The following CEP63 variants were observed in gnomAD, a reference collection of about 807,000 sequenced individuals.
CEP63 encodes centrosomal protein 63, also known as centrosomal protein of 63 kDa.
CEP63 carries 84 observed loss-of-function variants against 89.1 expected under a neutral mutation model. The observed-to-expected ratio is 0.94, with a 90% CI of 0.79 to 1.13. CEP63 has a LOEUF of 1.13. Ranked by LOEUF, CEP63 falls within the 50% of genes most tolerant of loss-of-function variation. The probability of loss-of-function intolerance (pLI) is 0.00; values close to 1 mark genes in which losing one functional copy is unlikely to be tolerated. For synonymous variants in CEP63, 267 were observed against 272.5 expected, an observed-to-expected ratio of 0.98 and a Z score of 0.20; for missense variants, 838 against 813.3, an observed-to-expected ratio of 1.03 and a Z score of -0.37.
At chr3:134,703,621 C>T in the CEP63 span, among the ~76,000 whole-genome samples, 1 of 151,718 alleles carries the variant, frequency 6.6e-6, no homozygotes, top group South Asian at 2.1e-4. Context: ...ACACGGGGGC[C>T]TGTTAAAAGA....
At chr3:134,661,172 C>T in the CEP63 span, among the ~76,000 whole-genome samples, 14 of 152,196 alleles carry the variant, frequency 9.2e-5, 1 homozygote, top group African/African-American at 2.9e-4. Context: ...ATATGTGCTT[C>T]TGTCCATCTA....
chr3:134,593,532 C>T, the CEP63 span, among the ~76,000 whole-genome samples: 1 of 152,184 alleles, frequency 6.6e-6, no homozygotes, highest in South Asian at 2.1e-4. Flanking sequence ...GGCACACTCT[C>T]CTACCTGCTG....
At chr3:134,728,816 C>G in the CEP63 span, among the ~76,000 whole-genome samples, 13 of 152,142 alleles carry the variant, frequency 8.5e-5, no homozygotes, top group Non-Finnish European at 8.8e-5. Flanking sequence ...TCTTGGAGTG[C>G]TGAAATAATA....
the CEP63 span, among the ~76,000 whole-genome samples, chr3:134,610,995 C>A: frequency 7.0e-4 from 106 of 152,300 alleles, no homozygotes; most frequent in African/African-American, 2.5e-3. Flanking sequence ...TGTCTCCAGC[C>A]CTGGCCCAGG....
In CEP63 at chr3:134,488,837, GTTAA is replaced by G. The variant is rs113694446; in HGVS notation, c.-26+2640_-26+2643del. Among the ~76,000 whole-genome samples the G allele has an allele frequency of 8.6e-3, 1,314 of 152,094 alleles. 18 individuals carry two copies. Among genetic ancestry groups the G allele is most frequent in the African/African-American group, 0.03 (1,263 of 41,462 alleles). ...TGTAGCCACCAGCCAGCAGTGGCTA[GTTAA>G]TTAAAGTGAAATAAAATTAAAAATT... On this transcript the variant is annotated intron_variant, in intron 1 of 14. Transcript: ENST00000675561.
Position 134,545,825 on chromosome 3 carries a change from T to C in CEP63, c.789+6T>C, listed in dbSNP as rs759109636. The C allele has an allele frequency of 3.8e-5, 61 of 1,594,386 alleles. No individual in the cohort carries two copies. The Admixed American group carries it at 1.0e-3, about 27-fold the overall frequency. On this transcript the variant is annotated splice_donor_region_variant and intron_variant, in intron 7 of 14. Coordinates refer to ENST00000675561, the MANE Select transcript of CEP63 (RefSeq NM_001353108.3). ...AATCTGAAAAACTATTAGAGGTATGTTTTAAAATCACTATAATTGGGGGAA... is the reference window on the plus strand; with the variant it reads ...AATCTGAAAAACTATTAGAGGTATGCTTTAAAATCACTATAATTGGGGGAA...
chr3:134,547,693 C>G (rs1018439417), intron 9 of CEP63, among the ~76,000 whole-genome samples: 4 of 142,902 alleles, frequency 2.8e-5, no homozygotes, highest in Non-Finnish European at 6.0e-5. Context: ...TCACTGCAAC[C>G]TCCGCCTCCC....
At chr3:134,610,155 C>T in the CEP63 span, 1 of 1,581,840 alleles carries the variant, frequency 6.3e-7, no homozygotes, top group Non-Finnish European at 8.6e-7. Flanking sequence ...CCTCCACTTC[C>T]ACCTGCCAGA....
intron 1 of CEP63, chr3:134,486,657 C>T: frequency 5.5e-6 from 3 of 545,580 alleles, no homozygotes; most frequent in Non-Finnish European, 7.0e-6. Flanking sequence ...GGGCTGCTGT[C>T]TAGCTAGCGC....
the CEP63 span, chr3:134,628,105 C>T: frequency 4.6e-6 from 2 of 437,100 alleles, no homozygotes; most frequent in Non-Finnish European, 8.4e-6. Context: ...TTGGGTGATT[C>T]ATTGGGTCCT....
chr3:134,553,267 A>G (rs1955319881), intron 12 of CEP63: 1 of 152,170 alleles, frequency 6.6e-6, no homozygotes, highest in African/African-American at 2.4e-5. Flanking sequence ...TCAACTGGAA[A>G]AATGGGGGAC....
At chr3:134,492,852 G>T (rs1251654200) in intron 1 of CEP63, among the ~76,000 whole-genome samples, 1 of 151,968 alleles carries the variant, frequency 6.6e-6, no homozygotes, top group Non-Finnish European at 1.5e-5. Context: ...TTGAATCCAG[G>T]ACTATAATTT....
intron 5 of CEP63, 119 bp downstream of exon 5, chr3:134,533,019 G>A (rs1317390098): frequency 3.9e-6 from 4 of 1,033,412 alleles, no homozygotes; most frequent in Non-Finnish European, 5.9e-6. Context: ...CTGCCACTAA[G>A]CTATTTCAGA....
intron 6 of CEP63, among the ~76,000 whole-genome samples, chr3:134,538,333 G>T (rs1951210116): frequency 6.7e-6 from 1 of 149,714 alleles, no homozygotes. Context: ...ACTACCGACA[G>T]TGGCTGTGGC....
At chr3:134,741,426 C>T in the CEP63 span, among the ~76,000 whole-genome samples, 41,252 of 151,976 alleles carry the variant, frequency 0.27, 6,262 homozygotes, top group African/African-American at 0.41. Context: ...TTTACTTGGT[C>T]GTGTCCTCCC....
chr3:134,575,663 G>A (rs1958199355), downstream of CEP63, among the ~76,000 whole-genome samples: 1 of 150,640 alleles, frequency 6.6e-6, no homozygotes, highest in Non-Finnish European at 1.5e-5. Flanking sequence ...CCAGGTTGGA[G>A]TGCATTGGCA....
the CEP63 span, among the ~76,000 whole-genome samples, chr3:134,772,143 G>T: frequency 2.0e-5 from 3 of 152,200 alleles, no homozygotes; most frequent in Non-Finnish European, 2.9e-5. Flanking sequence ...ACCCAGCCAG[G>T]CCTGTCTGAA....
At chr3:134,579,530 A>G (rs1402128808), downstream of CEP63, among the ~76,000 whole-genome samples, 3 of 152,214 alleles carry the variant, frequency 2.0e-5, no homozygotes, top group Non-Finnish European at 2.9e-5. Context: ...CATTTCCATA[A>G]TGACTAAAGT....
At chr3:134,686,454 G>A in the CEP63 span, among the ~76,000 whole-genome samples, 1 of 152,346 alleles carries the variant, frequency 6.6e-6, no homozygotes, top group East Asian at 1.9e-4. Flanking sequence ...AGCAGGCTGA[G>A]GTACTGGCCA....
Sources: gnomAD v4.1 joint callset for allele counts (sites outside exome capture counted in the v4.1 genomes callset) on GRCh38, gnomAD v4.1.1 for gene constraint, MANE v1.5 for transcripts, NCBI Gene and HGNC (gene_info 2026-07-23, HGNC 2026-07-21) for gene names.